XXYLT1: variants seen among roughly 807,000 people sequenced by gnomAD.
XXYLT1 encodes the protein UDP-xylose:alpha-xyloside alpha-1,3-xylosyltransferase.
Under a neutral mutation model 28.9 loss-of-function variants are expected in XXYLT1, and 20 were observed. The ratio of observed to expected loss-of-function variants is 0.69; its 90% confidence interval spans 0.49 to 1.00. The LOEUF (loss-of-function observed/expected upper bound fraction) is 1.00. Among genes scored for constraint, XXYLT1 ranks in the 50% least tolerant of loss-of-function variants. The pLI is 0.00. For missense variants in XXYLT1, 542 were observed against 560.1 expected (o/e 0.97, Z 0.33); for synonymous variants, 257 against 253.8 (o/e 1.01, Z -0.12).
At position 195,257,474 on chromosome 3, in the gene XXYLT1, G is replaced by A. The variant is rs559760862; in HGVS notation, c.504+13081C>T. Among the ~76,000 whole-genome samples, 15 of 152,098 alleles carry A rather than the reference G, an allele frequency of 9.9e-5. No individual in the cohort carries two copies. Among genetic ancestry groups the A allele is most frequent in the Non-Finnish European group, 1.5e-4 (10 of 68,028 alleles). On this transcript the variant is annotated intron_variant, in intron 1 of 3. Transcript: ENST00000310380. This position sits in a 1 kb window ranked among gnomAD's most constrained non-coding sequence, Gnocchi z 4.3. ...CCGTCCGAGCTTCATCATGAAAGGC[G>A]AGTTAATCAGATGAAGATGGGAGGA...
At chr3:195,161,497 C>T (rs2108692214) in intron 2 of XXYLT1, among the ~76,000 whole-genome samples, 1 of 152,102 alleles carries the variant, frequency 6.6e-6, no homozygotes, top group African/African-American at 2.4e-5. Context: ...ACAAGACCCT[C>T]ATCCCCAAGA....
intron 1 of XXYLT1, among the ~76,000 whole-genome samples, chr3:195,259,130 C>A (rs1725585702): frequency 6.6e-6 from 1 of 152,236 alleles, no homozygotes; most frequent in African/African-American, 2.4e-5. Context: ...TATCCCCAGG[C>A]CTGCCTGAGC....
At chr3:195,190,762 G>A (rs1045506801) in intron 2 of XXYLT1, among the ~76,000 whole-genome samples, 1 of 151,962 alleles carries the variant, frequency 6.6e-6, no homozygotes, top group Non-Finnish European at 1.5e-5. Flanking sequence ...TAGTATGGAA[G>A]GGGGAAAGAA....
rs1030506721 is a variant in XXYLT1 at position 195,270,294 on chromosome 3, G to T, written c.504+261C>A. The T allele has an allele frequency of 7.5e-6, 6 of 795,502 alleles. No individual in the cohort carries two copies. The Admixed American group carries it at 1.8e-4, about 24-fold the overall frequency. 49.3% of individuals were successfully genotyped at this position (795,502 alleles called of 1,614,324 possible). ...ATGGGGGCGCGCGGACTCTCCTGGGGGCTGCGCTTAACTGGGGGAGAGGAA... is the reference window on the plus strand; with the variant it reads ...ATGGGGGCGCGCGGACTCTCCTGGGTGCTGCGCTTAACTGGGGGAGAGGAA... On this transcript the variant is annotated intron_variant, in intron 1 of 3. Coordinates refer to ENST00000310380, the MANE Select transcript of XXYLT1 (RefSeq NM_152531.5).
At chr3:195,252,890 G>C (rs1001938641) in intron 1 of XXYLT1, among the ~76,000 whole-genome samples, 1 of 152,192 alleles carries the variant, frequency 6.6e-6, no homozygotes, top group Non-Finnish European at 1.5e-5. Context: ...GCGAGGCGGG[G>C]AGGCGTTTAT....
intron 1 of XXYLT1, among the ~76,000 whole-genome samples, chr3:195,245,506 A>C (rs1321031530): frequency 6.6e-6 from 1 of 152,064 alleles, no homozygotes; most frequent in Admixed American, 6.5e-5. Context: ...GACTGGACAC[A>C]CCTGTTCTAG....
chr3:195,100,198 G>C (rs531786887), intron 3 of XXYLT1, among the ~76,000 whole-genome samples: 76 of 152,288 alleles, frequency 5.0e-4, no homozygotes, highest in Non-Finnish European at 5.6e-4. Context: ...AGCCATGTCT[G>C]TCCCTCCTTT....
intron 1 of XXYLT1, chr3:195,260,160 CG>C (rs1725633086): frequency 6.6e-6 from 1 of 151,406 alleles, no homozygotes; most frequent in African/African-American, 2.4e-5. Context: ...TGCAGCCGCG[CG>C]CACCTCGCCG....
At chr3:195,206,300 A>G (rs1438496581) in intron 2 of XXYLT1, among the ~76,000 whole-genome samples, 1 of 151,650 alleles carries the variant, frequency 6.6e-6, no homozygotes, top group Non-Finnish European at 1.5e-5. Context: ...GTGAGCCACC[A>G]CGCACGGCCT....
intron 3 of XXYLT1, among the ~76,000 whole-genome samples, chr3:195,145,043 C>T (rs1719760353): frequency 6.6e-6 from 1 of 152,026 alleles, no homozygotes; most frequent in Admixed American, 6.5e-5. Context: ...AATTATACAT[C>T]ATCAGGAACA....
intron 2 of XXYLT1, among the ~76,000 whole-genome samples, chr3:195,156,966 C>T (rs1375542209): frequency 1.3e-5 from 2 of 152,062 alleles, no homozygotes; most frequent in African/African-American, 2.4e-5. Flanking sequence ...CAAAGCGGGC[C>T]GGGCACAGTG....
chr3:195,177,972 T>G (rs1256456146), intron 2 of XXYLT1, among the ~76,000 whole-genome samples: 1 of 150,772 alleles, frequency 6.6e-6, no homozygotes, highest in African/African-American at 2.5e-5. Context: ...GATGGAAATG[T>G]TGCTTTTGTT....
intron 3 of XXYLT1, among the ~76,000 whole-genome samples, chr3:195,135,677 G>A (rs1719156386): frequency 6.6e-6 from 1 of 152,216 alleles, no homozygotes; most frequent in South Asian, 2.1e-4. Flanking sequence ...TCCTGTGACT[G>A]AAGGGGCAGA....
chr3:195,099,078 C>T (rs1056923894), intron 3 of XXYLT1, among the ~76,000 whole-genome samples: 5 of 152,166 alleles, frequency 3.3e-5, no homozygotes, highest in African/African-American at 7.2e-5. Context: ...TAGCAGAGTA[C>T]GGTGTAATTA....
At chr3:195,085,876 C>G (rs549189013) in intron 3 of XXYLT1, 1 of 152,520 alleles carries the variant, frequency 6.6e-6, no homozygotes, top group East Asian at 1.9e-4. Context: ...CCGAGGCTAG[C>G]CCCTGAGGCA....
chr3:195,184,130 G>C (rs962262674), intron 2 of XXYLT1, among the ~76,000 whole-genome samples: 2 of 152,222 alleles, frequency 1.3e-5, no homozygotes, highest in African/African-American at 4.8e-5. Context: ...TATGAGCAAA[G>C]ACAACCATCA....
At chr3:195,148,900 G>A (rs553610091) in intron 3 of XXYLT1, among the ~76,000 whole-genome samples, 16 of 152,288 alleles carry the variant, frequency 1.1e-4, no homozygotes, top group Middle Eastern at 6.8e-3. Context: ...ATGCTGTGAC[G>A]ACTGAGATTC....
intron 2 of XXYLT1, among the ~76,000 whole-genome samples, chr3:195,201,777 A>C (rs1466696012): frequency 6.6e-6 from 1 of 152,208 alleles, no homozygotes; most frequent in Non-Finnish European, 1.5e-5. Flanking sequence ...CCTGAGGCCT[A>C]GAAGGTCCCA....
intron 3 of XXYLT1, among the ~76,000 whole-genome samples, chr3:195,110,326 G>GTGT (rs879909188): frequency 5.7e-5 from 1 of 17,650 alleles, no homozygotes; most frequent in African/African-American, 2.4e-4. Flanking sequence ...GGGTGAGGGT[G>GTGT]AGGTGTGTGT....
Sources: allele counts gnomAD v4.1 joint callset (sites outside exome capture counted in the v4.1 genomes callset), GRCh38; gene constraint gnomAD v4.1.1; non-coding constraint Gnocchi (gnomAD v3.1); transcripts MANE v1.5; gene names NCBI Gene and HGNC (gene_info 2026-07-23, HGNC 2026-07-21).